The following SBK1 variants were observed in gnomAD, a reference collection of about 807,000 sequenced individuals.
SBK1 encodes the protein SH3 domain binding kinase 1, also known as serine/threonine-protein kinase SBK1.
A neutral mutation model predicts 24.4 loss-of-function variants in SBK1; 11 were observed. That is an observed-to-expected ratio of 0.45 (90% CI 0.28 to 0.75). The LOEUF (loss-of-function observed/expected upper bound fraction) is 0.75, where lower values mean the gene tolerates loss of function less well. Ranked by LOEUF, SBK1 falls within the 30% of genes least tolerant of loss-of-function variation. The pLI, the probability that SBK1 is intolerant of heterozygous loss-of-function variation, is 0.12. For missense variants in SBK1, 467 were observed against 620.5 expected (o/e 0.75, Z 2.63); for synonymous variants, 308 against 284.4 (o/e 1.08, Z -0.83).
intron 1 of SBK1, among the ~76,000 whole-genome samples, chr16:28,276,896 C>T (rs546294224): frequency 2.6e-5 from 4 of 152,206 alleles, no homozygotes; most frequent in South Asian, 4.1e-4. Flanking sequence ...GATCTCCTGA[C>T]CTCATGATCT....
intron 1 of SBK1, among the ~76,000 whole-genome samples, chr16:28,265,472 C>G (rs946667365): frequency 5.3e-5 from 8 of 151,852 alleles, no homozygotes; most frequent in Non-Finnish European, 8.8e-5. Flanking sequence ...GTAGTCCTAG[C>G]TACTTGGGAG....
intron 1 of SBK1, among the ~76,000 whole-genome samples, chr16:28,266,758 AC>A (rs1250742201): frequency 0.051 from 7,382 of 145,288 alleles, 436 homozygotes; most frequent in African/African-American, 0.15. Flanking sequence ...TAAAAAAAAA[AC>A]AAAACAGGAT....
chr16:28,314,241 C>T (rs1316276197), intron 1 of SBK1, among the ~76,000 whole-genome samples: 4 of 151,328 alleles, frequency 2.6e-5, no homozygotes, highest in African/African-American at 4.9e-5. Flanking sequence ...ACTGCAGCCT[C>T]GAATTCCTGG....
At chr16:28,294,371 C>A (rs1391607106) in intron 1 of SBK1, among the ~76,000 whole-genome samples, 1 of 152,202 alleles carries the variant, frequency 6.6e-6, no homozygotes, top group African/African-American at 2.4e-5. Context: ...AGCAGTGATG[C>A]TGGACCCATT....
chr16:28,287,560 C>A (rs1049584013), upstream of SBK1, among the ~76,000 whole-genome samples: 4 of 152,168 alleles, frequency 2.6e-5, no homozygotes, highest in African/African-American at 4.8e-5. Context: ...GAGGTGGCAC[C>A]TTTGAGCTGG....
chr16:28,265,970 A>C (rs949175639), intron 1 of SBK1, among the ~76,000 whole-genome samples: 4 of 151,908 alleles, frequency 2.6e-5, no homozygotes, highest in African/African-American at 9.7e-5. Flanking sequence ...ATTAAAAAAA[A>C]AAAAAAGAAT....
At chr16:28,277,714 G>T (rs1332843669) in intron 1 of SBK1, among the ~76,000 whole-genome samples, 2 of 152,220 alleles carry the variant, frequency 1.3e-5, no homozygotes, top group Non-Finnish European at 2.9e-5. Flanking sequence ...ACCTCGAGTG[G>T]ACCAGCTGGG....
chr16:28,265,882 G>A (rs2141558484), intron 1 of SBK1, among the ~76,000 whole-genome samples: 1 of 151,872 alleles, frequency 6.6e-6, no homozygotes, highest in Non-Finnish European at 1.5e-5. Context: ...GCTAAGGCAG[G>A]AGAATAGCTT....
intron 1 of SBK1, among the ~76,000 whole-genome samples, chr16:28,271,946 C>T (rs1300507940): frequency 6.6e-6 from 1 of 152,134 alleles, no homozygotes; most frequent in Non-Finnish European, 1.5e-5. Flanking sequence ...TGGTATTTAC[C>T]CAAATAAGTT....
chr16:28,266,870 A>G (rs563256961), intron 1 of SBK1, among the ~76,000 whole-genome samples: 120 of 151,512 alleles, frequency 7.9e-4, no homozygotes, highest in Admixed American at 1.4e-3. Flanking sequence ...TCCCCCAAGT[A>G]GCTGGGACTA....
intron 1 of SBK1, among the ~76,000 whole-genome samples, chr16:28,268,045 G>T (rs975795550): frequency 6.6e-6 from 1 of 152,140 alleles, no homozygotes; most frequent in African/African-American, 2.4e-5. Flanking sequence ...TACTTGGGGG[G>T]CTGAGGTGGG....
Position 28,320,686 on chromosome 16 carries a change from C to T in SBK1, c.1040C>T (p.Ala347Val). The T allele has an allele frequency of 4.6e-6, 5 of 1,089,812 alleles. No homozygotes were observed. Among genetic ancestry groups the T allele is most frequent in the Non-Finnish European group, 5.6e-6 (5 of 896,352 alleles). The allele number at this position is 1,089,812 out of a possible 1,614,324, so 67.5% of individuals were successfully genotyped here. A position where few individuals can be genotyped will look rare whatever the true frequency, so the allele number is the denominator to read the frequency against. ...PPAAGPLRLE[A>V]PGPLKRTVLT... Reference sequence around the variant, plus strand: ...GCCGCCGGGCCACTGCGCCTCGAGGCGCCTGGGCCGCTCAAGCGGACGGTG... The same window carrying T: ...GCCGCCGGGCCACTGCGCCTCGAGGTGCCTGGGCCGCTCAAGCGGACGGTG... The change falls in exon 4 of 4, where the codon GCG (alanine) becomes GTG (valine). Residue 347 changes from alanine to valine, a missense_variant. Ala to Val is a moderately conservative substitution (Grantham distance 64). Around this residue, in one of 4 missense-constraint regions of SBK1, gnomAD observed 166 missense variants for 146.8 expected, o/e 1.13. Transcript: ENST00000341901. The surrounding 1 kb of genome is among the most constrained non-coding windows in gnomAD (Gnocchi z 8.5).
In SBK1 at chr16:28,292,652, T is replaced by A; in HGVS notation, c.-656T>A. 3 of 982,932 alleles carry A rather than the reference T, an allele frequency of 3.1e-6. No homozygotes were observed. Among genetic ancestry groups the A allele is most frequent in the Non-Finnish European group, 3.6e-6 (3 of 829,088 alleles). The allele number at this position is 982,932 out of a possible 1,614,324, so 60.9% of individuals were successfully genotyped here. ...GGCCGGGAGCGCAGGGCCGGGCTGCTCGTAGCGGCGGCGACCGAGCCCCCC... is the reference window on the plus strand; with the variant it reads ...GGCCGGGAGCGCAGGGCCGGGCTGCACGTAGCGGCGGCGACCGAGCCCCCC... On this transcript the variant is annotated 5_prime_UTR_variant, in exon 1 of 4. Transcript: ENST00000341901.
chr16:28,300,919 G>C (rs1298264793), intron 1 of SBK1, among the ~76,000 whole-genome samples: 1 of 152,202 alleles, frequency 6.6e-6, no homozygotes, highest in African/African-American at 2.4e-5. Flanking sequence ...TCCTAGGCTG[G>C]GCTGTCTTCA....
At chr16:28,263,130 G>A (rs1277429274) in intron 1 of SBK1, among the ~76,000 whole-genome samples, 16 of 152,148 alleles carry the variant, frequency 1.1e-4, no homozygotes, top group Non-Finnish European at 2.1e-4. Context: ...ATATAGTCCC[G>A]TCTACATGAA....
Position 28,292,950 on chromosome 16 carries a change from G to A in SBK1, c.-358G>A. ...CAAGACCTAGAACGCAGTGCCCCCA[G>A]GCCGGGATTGCGAGAACCCCCTCCC... On this transcript the variant is annotated 5_prime_UTR_variant, in exon 1 of 4. Coordinates refer to ENST00000341901, the MANE Select transcript of SBK1 (RefSeq NM_001024401.3). The A allele has an allele frequency of 1.0e-6, 1 of 976,018 alleles. No individual in the cohort carries two copies. The highest frequency in any genetic ancestry group is 1.2e-6 in the Non-Finnish European group (1 of 822,126). 60.5% of individuals were successfully genotyped at this position (976,018 alleles called of 1,614,324 possible). A position where few individuals can be genotyped will look rare whatever the true frequency, so the allele number is the denominator to read the frequency against.
chr16:28,277,542 G>C (rs749628364), intron 1 of SBK1, among the ~76,000 whole-genome samples: 8 of 152,214 alleles, frequency 5.3e-5, no homozygotes, highest in Non-Finnish European at 1.0e-4. Context: ...GAGCATGGTA[G>C]TGCTCGTCTG....
At chr16:28,313,937 C>G (rs2044772378) in intron 1 of SBK1, among the ~76,000 whole-genome samples, 1 of 151,978 alleles carries the variant, frequency 6.6e-6, no homozygotes, top group South Asian at 2.1e-4. Flanking sequence ...CTCACCCCCT[C>G]CCAGCCTCCA....
At chr16:28,261,586 C>T (rs1163743851) in intron 1 of SBK1, among the ~76,000 whole-genome samples, 3 of 152,140 alleles carry the variant, frequency 2.0e-5, no homozygotes, top group Non-Finnish European at 2.9e-5. Context: ...GCTATGATCA[C>T]GCCCCTGCAC....
Sources: allele counts gnomAD v4.1 joint callset (sites outside exome capture counted in the v4.1 genomes callset), GRCh38; gene constraint gnomAD v4.1.1; regional missense constraint gnomAD v4.1.1; non-coding constraint Gnocchi (gnomAD v3.1); transcripts MANE v1.5; gene names NCBI Gene and HGNC (gene_info 2026-07-23, HGNC 2026-07-21).